The following ANO2 variants were observed in gnomAD, a reference collection of about 807,000 sequenced individuals.
The protein encoded by ANO2 is anoctamin 2.
A neutral mutation model predicts 124.2 loss-of-function variants in ANO2; 101 were observed. That is an observed-to-expected ratio of 0.81 (90% CI 0.69 to 0.96). The LOEUF is 0.96. ANO2 is among the 40% of genes least tolerant of loss of function. The probability of loss-of-function intolerance (pLI) is 0.00; values close to 1 mark genes in which losing one functional copy is unlikely to be tolerated. For missense variants in ANO2, 1,293 were observed against 1,274.5 expected (o/e 1.01, Z -0.22); for synonymous variants, 486 against 482.5 (o/e 1.01, Z -0.09).
In ANO2 at chr12:5,869,086, C is replaced by T. The variant is rs377654503; in HGVS notation, c.535-14945G>A. 6.6e-5 allele frequency among the ~76,000 whole-genome samples: 10 copies of T among 152,184 alleles called. 1 individual carries two copies. In the East Asian group the frequency reaches 1.5e-3, roughly 23 times the overall value. On this transcript the variant is annotated intron_variant, in intron 3 of 24. Transcript: ENST00000682330. ...GACAGGTGGCAAATGAGAGAATGGG[C>T]GCAGGAGGTGAACAGGAAGTAGGGG...
intron 7 of ANO2, among the ~76,000 whole-genome samples, chr12:5,814,608 T>C (rs1417866419): frequency 4.6e-5 from 7 of 152,266 alleles, no homozygotes; most frequent in Admixed American, 1.3e-4. Flanking sequence ...TTATTTTCTG[T>C]CTTCCGTAAC....
chr12:5,597,254 C>T (rs1943708879), intron 20 of ANO2, among the ~76,000 whole-genome samples: 1 of 152,052 alleles, frequency 6.6e-6, no homozygotes, highest in South Asian at 2.1e-4. Flanking sequence ...TCTTCTCATC[C>T]CCACCCTCTG....
At chr12:5,733,996 C>A (rs1008746994) in intron 13 of ANO2, among the ~76,000 whole-genome samples, 2 of 152,226 alleles carry the variant, frequency 1.3e-5, no homozygotes, top group African/African-American at 2.4e-5. Flanking sequence ...TGGCACCATG[C>A]AGAACACACA....
At chr12:5,752,668 CT>C (rs1161368762) in intron 10 of ANO2, among the ~76,000 whole-genome samples, 1 of 152,188 alleles carries the variant, frequency 6.6e-6, no homozygotes, top group Non-Finnish European at 1.5e-5. Flanking sequence ...TTCTCCCATT[CT>C]GCATATTGAC....
chr12:5,865,692 C>T (rs1218104657), intron 3 of ANO2, among the ~76,000 whole-genome samples: 1 of 151,616 alleles, frequency 6.6e-6, no homozygotes, highest in Non-Finnish European at 1.5e-5. Flanking sequence ...CATGCCACCA[C>T]AGCATTATGC....
chr12:5,896,380 A>G (rs1472816223), intron 3 of ANO2, among the ~76,000 whole-genome samples: 3 of 152,254 alleles, frequency 2.0e-5, no homozygotes, highest in Non-Finnish European at 4.4e-5. Flanking sequence ...TCTCCAGATA[A>G]TTCTGATAAT....
At position 5,603,944 on chromosome 12, in the gene ANO2, CAAAAAAAAAA is replaced by C. The variant is rs63415160; in HGVS notation, c.2088-4325_2088-4316del. 5.2e-3 allele frequency among the ~76,000 whole-genome samples: 383 copies of C among 74,150 alleles called. 2 individuals are homozygous for C. Among genetic ancestry groups the C allele is most frequent in the Admixed American group, 7.7e-3 (44 of 5,748 alleles). The allele number at this position is 74,150 out of a possible 152,430, so 48.6% of individuals were successfully genotyped here. On this transcript the variant is annotated intron_variant, in intron 19 of 24. Coordinates refer to ENST00000682330, the MANE Select transcript of ANO2 (RefSeq NM_001364791.2). The stretch of plus-strand genomic sequence containing the variant: ...TGGGTGAAAGAGCGAGATTCCGTCT[CAAAAAAAAAA>C]AAAAAAAAAAAGAAAATGATGAAAG...
Position 5,635,599 on chromosome 12 carries a change from TCACACACACACACA to T in ANO2, c.1621-266_1621-253del, listed in dbSNP as rs60128304. ...TTTTTGTCAGATTCCAAATGATTTA[TCACACACACACACA>T]CACACACACACACACAATAAGGATG... is the stretch of plus-strand genomic sequence containing the variant. On this transcript the variant is annotated intron_variant, in intron 15 of 24. Coordinates refer to ENST00000682330, the MANE Select transcript of ANO2 (RefSeq NM_001364791.2). This position sits in a 1 kb window ranked among gnomAD's most constrained non-coding sequence, Gnocchi z 5.2. 6.8e-6 allele frequency among the ~76,000 whole-genome samples: 1 copy of T among 146,906 alleles called. No homozygotes were observed. The highest frequency in any genetic ancestry group is 2.5e-5 in the African/African-American group (1 of 39,570).
intron 23 of ANO2, among the ~76,000 whole-genome samples, chr12:5,572,599 G>A (rs79671506): frequency 2.4e-3 from 360 of 152,200 alleles, no homozygotes; most frequent in African/African-American, 8.4e-3. Context: ...AGTTCTTGAG[G>A]GATGCACTAT....
chr12:5,708,976 C>T (rs2041616), intron 14 of ANO2, among the ~76,000 whole-genome samples: 1 of 152,182 alleles, frequency 6.6e-6, no homozygotes, highest in Non-Finnish European at 1.5e-5. Context: ...AGCTTCATGA[C>T]GGTGAAAACA....
At chr12:5,905,695 T>C (rs1328291331) in intron 3 of ANO2, among the ~76,000 whole-genome samples, 1 of 152,172 alleles carries the variant, frequency 6.6e-6, no homozygotes, top group African/African-American at 2.4e-5. Flanking sequence ...GTAATCATTA[T>C]GACCTTGGAA....
At chr12:5,738,884 T>C (rs1486497209) in intron 13 of ANO2, among the ~76,000 whole-genome samples, 1 of 152,168 alleles carries the variant, frequency 6.6e-6, no homozygotes, top group Non-Finnish European at 1.5e-5. Flanking sequence ...AGGTTTAGTG[T>C]TTCTTTCTTC....
intron 19 of ANO2, 114 bp downstream of exon 19, chr12:5,612,542 A>T: frequency 1.2e-6 from 1 of 840,398 alleles, no homozygotes; most frequent in Non-Finnish European, 1.9e-6. Context: ...ACAGAGAATT[A>T]AATCACCAAG....
intron 14 of ANO2, among the ~76,000 whole-genome samples, chr12:5,656,628 G>A (rs1400403624): frequency 1.3e-5 from 2 of 152,178 alleles, no homozygotes; most frequent in African/African-American, 2.4e-5. Context: ...TTCATGAACT[G>A]TCAGTTCCAG....
At chr12:5,840,152 G>A (rs933248801) in intron 4 of ANO2, among the ~76,000 whole-genome samples, 1 of 152,132 alleles carries the variant, frequency 6.6e-6, no homozygotes, top group Non-Finnish European at 1.5e-5. Context: ...ACACATGTTA[G>A]CCAGCTGTTC....
chr12:5,898,712 G>C (rs1939964727), intron 3 of ANO2, among the ~76,000 whole-genome samples: 1 of 152,194 alleles, frequency 6.6e-6, no homozygotes, highest in Non-Finnish European at 1.5e-5. Flanking sequence ...AGTCAGAATA[G>C]TCACGACCTT....
chr12:5,804,865 TCACC>T, intron 9 of ANO2, among the ~76,000 whole-genome samples: 1 of 152,004 alleles, frequency 6.6e-6, no homozygotes, highest in East Asian at 1.9e-4. Context: ...CAGGCTGGGG[TCACC>T]ACCTGTTTTC....
intron 1 of ANO2, among the ~76,000 whole-genome samples, chr12:5,938,015 G>A (rs894122294): frequency 3.6e-4 from 55 of 152,144 alleles, no homozygotes; most frequent in African/African-American, 1.3e-3. Flanking sequence ...TACCATTTCT[G>A]TTCTGATCTC....
chr12:5,802,072 G>T (rs1442554103), intron 9 of ANO2, among the ~76,000 whole-genome samples: 2 of 152,288 alleles, frequency 1.3e-5, no homozygotes, highest in Middle Eastern at 6.8e-3. Flanking sequence ...ATATGTCCAG[G>T]CAAAACCTGA....
Sources: allele counts gnomAD v4.1 joint callset (sites outside exome capture counted in the v4.1 genomes callset), GRCh38; gene constraint gnomAD v4.1.1; non-coding constraint Gnocchi (gnomAD v3.1); transcripts MANE v1.5; gene names NCBI Gene and HGNC (gene_info 2026-07-23, HGNC 2026-07-21).